B3GNT3: variants seen among roughly 807,000 people sequenced by gnomAD.
The protein encoded by B3GNT3 is N-acetyllactosaminide beta-1,3-N-acetylglucosaminyltransferase 3.
A neutral mutation model predicts 11.6 loss-of-function variants in B3GNT3; 7 were observed. The observed-to-expected ratio is 0.60, with a 90% CI of 0.34 to 1.13. The LOEUF (loss-of-function observed/expected upper bound fraction) is 1.13, where lower values mean the gene tolerates loss of function less well. B3GNT3 is among the 50% of genes most tolerant of loss of function. The pLI is 0.03. For synonymous variants in B3GNT3, 201 were observed against 222.1 expected (o/e 0.90, Z 0.85); for missense variants, 400 against 507.4 (o/e 0.79, Z 2.03).
chr19:17,810,795 T>A (rs2094179647), intron 2 of B3GNT3, among the ~76,000 whole-genome samples: 1 of 150,762 alleles, frequency 6.6e-6, no homozygotes, highest in Admixed American at 6.6e-5. Context: ...GCAGAAGAAT[T>A]GCTTGAACCT....
chr19:17,811,501 T>A lies in B3GNT3; in HGVS notation c.568-70T>A. The A allele has an allele frequency of 2.1e-6, 3 of 1,441,530 alleles. No homozygotes were observed. The highest frequency in any genetic ancestry group is 2.8e-6 in the Non-Finnish European group (3 of 1,070,680). The allele number at this position is 1,441,530 out of a possible 1,614,324, so 89.3% of individuals were successfully genotyped here. On this transcript the variant is annotated intron_variant, in intron 2 of 2. Transcript: ENST00000318683. This position sits in a 1 kb window ranked among gnomAD's most constrained non-coding sequence, Gnocchi z 4.1. ...CTTTCCTGGGCTTAGTGGGCTGGAG[T>A]GGCTAATAGAGACCCAAGGCCAATT...
intron 2 of B3GNT3, among the ~76,000 whole-genome samples, chr19:17,810,487 C>T (rs189051652): frequency 6.6e-6 from 1 of 152,210 alleles, no homozygotes; most frequent in East Asian, 1.9e-4. Context: ...ACCCGTGAAG[C>T]ACTGGCACTA....
chr19:17,795,141 C>T lies in B3GNT3; in HGVS notation c.-116C>T, dbSNP rs1247578546. Reference sequence around the variant, plus strand: ...GCGGGAGCTCTGGCTCAGGTAAAAACTCTTTCTTCGGCTCGCGAGCTGAGA... The same window carrying T: ...GCGGGAGCTCTGGCTCAGGTAAAAATTCTTTCTTCGGCTCGCGAGCTGAGA... On this transcript the variant is annotated 5_prime_UTR_variant, in exon 1 of 3. Coordinates refer to ENST00000318683, the MANE Select transcript of B3GNT3 (RefSeq NM_014256.4). The T allele has an allele frequency of 6.6e-6, 1 of 152,530 alleles. No homozygotes were observed. The highest frequency in any genetic ancestry group is 1.5e-5 in the Non-Finnish European group (1 of 68,248). 9.4% of individuals were successfully genotyped at this position (152,530 alleles called of 1,614,324 possible).
intron 1 of B3GNT3, among the ~76,000 whole-genome samples, chr19:17,802,656 G>A (rs1382137970): frequency 6.6e-6 from 1 of 152,086 alleles, no homozygotes; most frequent in African/African-American, 2.4e-5. Context: ...AGTGGCAGGT[G>A]CAAAGGCCCT....
At chr19:17,799,269 C>CTTTTTTTT (rs35086710) in intron 1 of B3GNT3, among the ~76,000 whole-genome samples, 1 of 117,252 alleles carries the variant, frequency 8.5e-6, no homozygotes, top group African/African-American at 3.6e-5. Flanking sequence ...ACCATTCCAG[C>CTTTTTTTT]TTTTTTTTTT....
rs564558973 is a variant in B3GNT3, at chr19:17,801,830, G to A, written c.-50-5928G>A. ...TGGCTGGGCATGGTGGCTCACGCCT[G>A]TAATCCCAACACTTTGGGAGGCTGA... On this transcript the variant is annotated intron_variant, in intron 1 of 2. Transcript: ENST00000318683. Among the ~76,000 whole-genome samples, 16 of 152,240 alleles carry A rather than the reference G, an allele frequency of 1.1e-4. No homozygotes were observed. The East Asian group carries it at 1.2e-3, about 11-fold the overall frequency.
chr19:17,809,157 C>T (rs1039744929), intron 2 of B3GNT3, among the ~76,000 whole-genome samples: 5 of 151,990 alleles, frequency 3.3e-5, no homozygotes, highest in African/African-American at 9.7e-5. Flanking sequence ...TTATTTGTTC[C>T]GGTTCTGTCT....
Position 17,811,995 on chromosome 19 carries a change from C to T in B3GNT3, c.992C>T (p.Ser331Phe). The change falls in exon 3 of 3, where the codon TCC (serine) becomes TTC (phenylalanine). Residue 331 changes from serine (S) to phenylalanine (F), a missense_variant. Coordinates refer to ENST00000318683, the MANE Select transcript of B3GNT3 (RefSeq NM_014256.4). This position sits in a 1 kb window ranked among gnomAD's most constrained non-coding sequence, Gnocchi z 4.1. ...GVRAPSQRLS[S>F]FDPCFYRDLL... is the part of the protein sequence containing the mutation. Reference sequence around the variant, plus strand: ...CGGGCTCCATCGCAACGCCTGTCCTCCTTTGACCCCTGCTTCTACCGAGAC... The same window carrying T: ...CGGGCTCCATCGCAACGCCTGTCCTTCTTTGACCCCTGCTTCTACCGAGAC... 6.2e-7 allele frequency: 1 copy of T among 1,602,358 alleles called. No homozygotes were observed.
In B3GNT3 at chr19:17,813,144, A is replaced by C. The variant is rs549116824; in HGVS notation, c.*1022A>C. On this transcript the variant is annotated 3_prime_UTR_variant, in exon 3 of 3. Coordinates refer to ENST00000318683, the MANE Select transcript of B3GNT3 (RefSeq NM_014256.4). ...AACAGACAAGTCCACATTCATCCCT[A>C]AAAGTCTCATTTTCCAGTAGAAAAT... is the stretch of plus-strand genomic sequence containing the variant. The C allele has an allele frequency of 6.6e-6, 1 of 151,958 alleles. No homozygotes were observed. Among genetic ancestry groups the C allele is most frequent in the Non-Finnish European group, 1.5e-5 (1 of 68,002 alleles). The allele number at this position is 151,958 out of a possible 1,614,324, so 9.4% of individuals were successfully genotyped here.
Position 17,811,795 on chromosome 19 carries a change from C to T in B3GNT3, c.792C>T (p.Tyr264=). Residue 264 remains tyrosine, a synonymous_variant, in exon 3 of 3, where the codon TAC becomes TAT. Coordinates refer to ENST00000318683, the MANE Select transcript of B3GNT3 (RefSeq NM_014256.4). The surrounding 1 kb of genome is among the most constrained non-coding windows in gnomAD (Gnocchi z 4.1). Reference sequence around the variant, plus strand: ...AGGTGGTGACTCAGAATGAGCGGTACCCACCCTATTGTGGGGGTGGTGGCT... The same window carrying T: ...AGGTGGTGACTCAGAATGAGCGGTATCCACCCTATTGTGGGGGTGGTGGCT... The part of the protein sequence containing the change: ...VPEVVTQNER[Y]PPYCGGGGFL... The T allele has an allele frequency of 6.2e-7, 1 of 1,614,208 alleles. No homozygotes were observed. Among genetic ancestry groups the T allele is most frequent in the Non-Finnish European group, 8.5e-7 (1 of 1,180,032 alleles).
At position 17,811,195 on chromosome 19, in the gene B3GNT3, T is replaced by A. The variant is rs760001640; in HGVS notation, c.568-376T>A. On this transcript the variant is annotated intron_variant, in intron 2 of 2. Transcript: ENST00000318683. The surrounding 1 kb of genome is among the most constrained non-coding windows in gnomAD (Gnocchi z 4.1). ...TAGCGCTACACTCTAGCCTGGGCAATAGAGCAAGACCCTGTCTCAGAAACA... is the reference window on the plus strand; with the variant it reads ...TAGCGCTACACTCTAGCCTGGGCAAAAGAGCAAGACCCTGTCTCAGAAACA... 6.6e-6 allele frequency among the ~76,000 whole-genome samples: 1 copy of A among 152,114 alleles called. No homozygotes were observed. Among genetic ancestry groups the A allele is most frequent in the Non-Finnish European group, 1.5e-5 (1 of 68,020 alleles).
At chr19:17,799,877 T>A (rs890334286) in intron 1 of B3GNT3, among the ~76,000 whole-genome samples, 1 of 151,996 alleles carries the variant, frequency 6.6e-6, no homozygotes, top group Non-Finnish European at 1.5e-5. Context: ...ATCTGGAAAG[T>A]GGGAGTTTCA....
chr19:17,807,696 TG>T, intron 1 of B3GNT3, 61 bp from the exon 2 acceptor site: 6 of 1,060,304 alleles, frequency 5.7e-6, no homozygotes, highest in Non-Finnish European at 6.7e-6. Context: ...AACCAGATGT[TG>T]GGGGCCACAG....
intron 1 of B3GNT3, among the ~76,000 whole-genome samples, chr19:17,799,335 C>G (rs1480603377): frequency 7.0e-6 from 1 of 142,192 alleles, no homozygotes; most frequent in Non-Finnish European, 1.5e-5. Context: ...GTGGCGCAAT[C>G]TCGGCTCCCT....
In B3GNT3 at chr19:17,811,841, G is replaced by T; in HGVS notation, c.838G>T (p.Ala280Ser). Reference protein sequence around the residue: ...GGGFLLSRFTAAALRRAAHVL... With the variant: ...GGGFLLSRFTSAALRRAAHVL... ...TGGCTTCTTGCTGTCCCGCTTCACG[G>T]CCGCTGCCCTGCGCCGTGCTGCCCA... Residue 280 changes from alanine to serine, a missense_variant, in exon 3 of 3, where the codon GCC (alanine) becomes TCC (serine). Transcript: ENST00000318683. The surrounding 1 kb of genome is among the most constrained non-coding windows in gnomAD (Gnocchi z 4.1). The T allele has an allele frequency of 6.2e-7, 1 of 1,614,214 alleles. No homozygotes were observed. Among genetic ancestry groups the T allele is most frequent in the Non-Finnish European group, 8.5e-7 (1 of 1,180,038 alleles).
At position 17,811,854 on chromosome 19, in the gene B3GNT3, GCCGTGCTGC is replaced by G; in HGVS notation, c.854_862del (p.Arg285_Ala287del). On this transcript the variant is annotated inframe_deletion, in exon 3 of 3. Transcript: ENST00000318683. The surrounding 1 kb of genome is among the most constrained non-coding windows in gnomAD (Gnocchi z 4.1). ...TCCCGCTTCACGGCCGCTGCCCTGC[GCCGTGCTGC>G]CCATGTCTTGGACATCTTCCCCATT... 6.2e-7 allele frequency: 1 copy of G among 1,614,170 alleles called. No homozygotes were observed. The highest frequency in any genetic ancestry group is 8.5e-7 in the Non-Finnish European group (1 of 1,180,034).
chr19:17,808,053 C>T lies in B3GNT3; in HGVS notation c.246C>T (p.Asn82=). Residue 82 remains asparagine, a synonymous_variant, in exon 2 of 3, where the codon AAC becomes AAT. Coordinates refer to ENST00000318683, the MANE Select transcript of B3GNT3 (RefSeq NM_014256.4). ...DFATQPQHVQ[N]FLLYRHCRHF... is the part of the protein sequence containing the mutation. The stretch of plus-strand genomic sequence containing the variant: ...CCACGCAGCCGCAGCACGTTCAGAA[C>T]TTCCTCCTGTACAGACACTGCCGCC... The T allele has an allele frequency of 6.4e-7, 1 of 1,569,228 alleles. No individual in the cohort carries two copies. The highest frequency in any genetic ancestry group is 8.7e-7 in the Non-Finnish European group (1 of 1,152,678).
At chr19:17,809,718 G>A (rs1387053575) in intron 2 of B3GNT3, among the ~76,000 whole-genome samples, 4 of 151,834 alleles carry the variant, frequency 2.6e-5, no homozygotes, top group African/African-American at 9.7e-5. Flanking sequence ...CAAAGTGCTG[G>A]GATTACAGGT....
chr19:17,795,491 C>T (rs1230387777), intron 1 of B3GNT3, among the ~76,000 whole-genome samples: 2 of 152,224 alleles, frequency 1.3e-5, no homozygotes, highest in East Asian at 3.9e-4. Flanking sequence ...CGGGATCAGA[C>T]CCCCGAGGCG....
Sources: allele counts gnomAD v4.1 joint callset (sites outside exome capture counted in the v4.1 genomes callset), GRCh38; gene constraint gnomAD v4.1.1; non-coding constraint Gnocchi (gnomAD v3.1); transcripts MANE v1.5; gene names NCBI Gene and HGNC (gene_info 2026-07-23, HGNC 2026-07-21).